The following TRIP12 variants were observed in gnomAD, a reference collection of about 807,000 sequenced individuals.
TRIP12 encodes thyroid hormone receptor interactor 12, also known as E3 ubiquitin-protein ligase TRIP12.
A neutral mutation model predicts 244.2 loss-of-function variants in TRIP12; 25 were observed. The ratio of observed to expected loss-of-function variants is 0.10; its 90% CI spans 0.07 to 0.14. The LOEUF (loss-of-function observed/expected upper bound fraction) is 0.14, where lower values mean the gene tolerates loss of function less well. Among genes scored for constraint, TRIP12 ranks in the 10% least tolerant of loss-of-function variants. TRIP12 has a pLI of 1.00. For missense variants in TRIP12, 1,677 were observed against 2,486.4 expected (o/e 0.67, Z 6.92); for synonymous variants, 905 against 873.1 (o/e 1.04, Z -0.64).
At chr2:229,775,867 A>G (rs954300469) in intron 37 of TRIP12, among the ~76,000 whole-genome samples, 6 of 151,938 alleles carry the variant, frequency 3.9e-5, no homozygotes, top group Admixed American at 2.6e-4. Context: ...TGGTTATTAT[A>G]ATAAGTCAAT....
At chr2:229,813,071 G>A (rs570300330) in intron 13 of TRIP12, among the ~76,000 whole-genome samples, 1 of 152,034 alleles carries the variant, frequency 6.6e-6, no homozygotes, top group Non-Finnish European at 1.5e-5. Context: ...TTATCATCAG[G>A]TCCATTGATT....
At chr2:229,904,918 G>A (rs1231221023) in intron 1 of TRIP12, among the ~76,000 whole-genome samples, 6 of 152,162 alleles carry the variant, frequency 3.9e-5, no homozygotes, top group African/African-American at 1.4e-4. Context: ...GAAACTGGAT[G>A]TGGAGTATAG....
chr2:229,897,370 A>G (rs1008805143), intron 1 of TRIP12, among the ~76,000 whole-genome samples: 17 of 152,246 alleles, frequency 1.1e-4, no homozygotes, highest in African/African-American at 4.1e-4. Context: ...ATAAGGGGCC[A>G]GGTGCAGTGG....
intron 1 of TRIP12, among the ~76,000 whole-genome samples, chr2:229,890,517 T>C (rs191941716): frequency 6.6e-6 from 1 of 152,164 alleles, no homozygotes; most frequent in African/African-American, 2.4e-5. Flanking sequence ...TCCAAACAAG[T>C]ATGTAGCCTG....
intron 37 of TRIP12, among the ~76,000 whole-genome samples, chr2:229,775,023 A>C (rs2035782641): frequency 6.6e-6 from 1 of 152,220 alleles, no homozygotes; most frequent in Non-Finnish European, 1.5e-5. Context: ...ACTGAAGACA[A>C]CAAGTTAGGA....
chr2:229,801,466 T>C lies in TRIP12; in HGVS notation c.3206+786A>G, dbSNP rs569492087. Among the ~76,000 whole-genome samples the C allele has an allele frequency of 9.1e-4, 138 of 152,334 alleles. 1 individual carries two copies. Among genetic ancestry groups the C allele is most frequent in the Admixed American group, 1.6e-3 (24 of 15,298 alleles). The stretch of plus-strand genomic sequence containing the variant: ...TGGACCCCACTTATTATTACTATAT[T>C]TTAGCATGATCTACTTTTCAGTTTA... On this transcript the variant is annotated intron_variant, in intron 21 of 41. Transcript: ENST00000675903.
chr2:229,770,631 G>A (rs2033901497), intron 39 of TRIP12, among the ~76,000 whole-genome samples: 1 of 152,174 alleles, frequency 6.6e-6, no homozygotes, highest in African/African-American at 2.4e-5. Flanking sequence ...TTTGGCACTT[G>A]AAATTAAAGA....
At chr2:229,806,011 A>G in intron 17 of TRIP12, 128 bp from the exon 18 acceptor site, 1 of 707,618 alleles carries the variant, frequency 1.4e-6, no homozygotes, top group Non-Finnish European at 2.2e-6. Context: ...GGTGAAGTTA[A>G]CAGAAGATGG....
chr2:229,781,334 G>C (rs1300050148), intron 34 of TRIP12, among the ~76,000 whole-genome samples: 1 of 152,208 alleles, frequency 6.6e-6, no homozygotes, highest in Non-Finnish European at 1.5e-5. Flanking sequence ...ACTTAAAATG[G>C]AATCTTTTTC....
At chr2:229,916,253 T>C (rs138255091) in intron 1 of TRIP12, among the ~76,000 whole-genome samples, 44 of 152,324 alleles carry the variant, frequency 2.9e-4, no homozygotes, top group African/African-American at 8.9e-4. Context: ...TGCCCAAGGT[T>C]ACAAAGATGG....
At chr2:229,846,610 G>A (rs566189768) in intron 4 of TRIP12, among the ~76,000 whole-genome samples, 10 of 152,150 alleles carry the variant, frequency 6.6e-5, no homozygotes, top group Admixed American at 5.2e-4. Flanking sequence ...GGAACTGAGT[G>A]CATTAACATC....
chr2:229,890,744 T>C (rs1438270050), intron 1 of TRIP12, among the ~76,000 whole-genome samples: 1 of 152,170 alleles, frequency 6.6e-6, no homozygotes, highest in Non-Finnish European at 1.5e-5. Context: ...GTCTCGAATA[T>C]TTTTCAAAAG....
intron 1 of TRIP12, among the ~76,000 whole-genome samples, chr2:229,909,861 C>T (rs1217665639): frequency 6.6e-6 from 1 of 152,060 alleles, no homozygotes; most frequent in African/African-American, 2.4e-5. Context: ...ACTCTAAAAA[C>T]AAAAAATATA....
intron 1 of TRIP12, among the ~76,000 whole-genome samples, chr2:229,881,319 G>A (rs976839442): frequency 3.3e-5 from 5 of 152,108 alleles, no homozygotes; most frequent in African/African-American, 7.2e-5. Flanking sequence ...ATAGAATTAC[G>A]ACATGCACAA....
intron 1 of TRIP12, among the ~76,000 whole-genome samples, chr2:229,918,645 A>C (rs2075951028): frequency 6.6e-6 from 1 of 152,204 alleles, no homozygotes; most frequent in South Asian, 2.1e-4. Context: ...TGATACCAAA[A>C]AAAGAAGGTA....
chr2:229,820,928 T>C (rs1320045968), intron 8 of TRIP12, among the ~76,000 whole-genome samples: 1 of 152,194 alleles, frequency 6.6e-6, no homozygotes, highest in Non-Finnish European at 1.5e-5. Flanking sequence ...GTTGCTAATG[T>C]AGAACTCATG....
chr2:229,787,296 G>C (rs1311127892), intron 33 of TRIP12, among the ~76,000 whole-genome samples: 1 of 152,080 alleles, frequency 6.6e-6, no homozygotes, highest in Non-Finnish European at 1.5e-5. Context: ...AATTATTTCA[G>C]AAACTGGGGG....
At chr2:229,845,591 A>C (rs952351462) in intron 4 of TRIP12, among the ~76,000 whole-genome samples, 3 of 152,208 alleles carry the variant, frequency 2.0e-5, no homozygotes, top group Non-Finnish European at 4.4e-5. Context: ...AAACTCTCCA[A>C]AACAAAAGAA....
At chr2:229,814,704 G>A (rs911891539) in intron 11 of TRIP12, among the ~76,000 whole-genome samples, 5 of 151,984 alleles carry the variant, frequency 3.3e-5, no homozygotes, top group African/African-American at 7.2e-5. Flanking sequence ...CAAACAAAAA[G>A]GTCCGTAAGA....
Sources: gnomAD v4.1 joint callset for allele counts (sites outside exome capture counted in the v4.1 genomes callset) on GRCh38, gnomAD v4.1.1 for gene constraint, MANE v1.5 for transcripts, NCBI Gene and HGNC (gene_info 2026-07-23, HGNC 2026-07-21) for gene names.